Variants in SYN3 observed in about 807,000 individuals in gnomAD.
SYN3 encodes synapsin-3.
A neutral mutation model predicts 65.8 loss-of-function variants in SYN3; 35 were observed. The ratio of observed to expected loss-of-function variants is 0.53; its 90% CI spans 0.41 to 0.70. The LOEUF is 0.70. Ranked by LOEUF, SYN3 falls within the 30% of genes least tolerant of loss-of-function variation. SYN3 has a pLI of 0.00. For missense variants in SYN3, 680 were observed against 749.0 expected (o/e 0.91, Z 1.08); for synonymous variants, 270 against 292.9 (o/e 0.92, Z 0.80).
chr22:32,517,960 C>A, intron 13 of SYN3, 83 bp downstream of exon 13: 1 of 1,371,144 alleles, frequency 7.3e-7, no homozygotes, highest in South Asian at 2.2e-5. Flanking sequence ...TCCTTTGTCT[C>A]CAAGTCCCTA....
chr22:32,586,026 GTATGTATA>G (rs1452685228), intron 7 of SYN3, among the ~76,000 whole-genome samples: 2 of 131,552 alleles, frequency 1.5e-5, no homozygotes, highest in African/African-American at 6.1e-5. Flanking sequence ...ATATATGTAT[GTATGTATA>G]TATGTATATG....
chr22:32,799,239 G>C (rs1158845503), intron 6 of SYN3, among the ~76,000 whole-genome samples: 1 of 152,178 alleles, frequency 6.6e-6, no homozygotes, highest in African/African-American at 2.4e-5. Flanking sequence ...AACTGACTCA[G>C]GTTTGGAATA....
chr22:32,728,737 C>T (rs1209793837), intron 6 of SYN3, among the ~76,000 whole-genome samples: 1 of 152,056 alleles, frequency 6.6e-6, no homozygotes, highest in East Asian at 1.9e-4. Flanking sequence ...TGTTGGAGAC[C>T]CCTGAGGTAT....
intron 4 of SYN3, among the ~76,000 whole-genome samples, chr22:32,872,237 T>C (rs1244864913): frequency 6.6e-6 from 1 of 152,294 alleles, no homozygotes; most frequent in Non-Finnish European, 1.5e-5. Flanking sequence ...TTGGACAAAA[T>C]AGGCCTCAAA....
rs968484520 is a variant in SYN3, at chr22:32,633,797, C to CT, written c.712-37062dup. 1.4e-3 allele frequency among the ~76,000 whole-genome samples: 212 copies of CT among 148,516 alleles called. 2 individuals are homozygous for CT. The highest frequency in any genetic ancestry group is 1.2e-3 in the Non-Finnish European group (81 of 67,300). The stretch of plus-strand genomic sequence containing the variant: ...TTTTTCTCAATCTCATTTTTTTTTT[C>CT]TTTTTTTTGTAGAGAAGGATTTTTG... On this transcript the variant is annotated intron_variant, in intron 6 of 13. Transcript: ENST00000358763.
intron 7 of SYN3, among the ~76,000 whole-genome samples, chr22:32,549,994 T>C (rs1459965922): frequency 6.6e-6 from 1 of 152,198 alleles, no homozygotes; most frequent in Non-Finnish European, 1.5e-5. Flanking sequence ...GTCCTCACTG[T>C]ATATATCTTG....
intron 6 of SYN3, among the ~76,000 whole-genome samples, chr22:32,772,451 C>T (rs7287602): frequency 0.098 from 14,778 of 151,544 alleles, 893 homozygotes; most frequent in Admixed American, 0.15. Context: ...CTTGTCCTTC[C>T]AGAACAAGGG....
chr22:32,724,671 A>G (rs725337), intron 6 of SYN3, among the ~76,000 whole-genome samples: 1 of 152,064 alleles, frequency 6.6e-6, no homozygotes, highest in Non-Finnish European at 1.5e-5. Flanking sequence ...TGACAGCCAC[A>G]TTGTCACAAA....
At chr22:32,558,570 T>C (rs1255018665) in intron 7 of SYN3, among the ~76,000 whole-genome samples, 6 of 152,260 alleles carry the variant, frequency 3.9e-5, no homozygotes, top group Non-Finnish European at 8.8e-5. Flanking sequence ...CTCTTTCCTA[T>C]CTTTTCCCTT....
chr22:32,925,618 G>A (rs1253699498), intron 4 of SYN3, among the ~76,000 whole-genome samples: 3 of 152,152 alleles, frequency 2.0e-5, no homozygotes, highest in African/African-American at 7.2e-5. Context: ...GCATACCTAG[G>A]AGTGTCCTCA....
intron 7 of SYN3, among the ~76,000 whole-genome samples, chr22:32,595,882 G>A (rs1434860238): frequency 6.6e-6 from 1 of 152,182 alleles, no homozygotes; most frequent in East Asian, 1.9e-4. Flanking sequence ...TTTGAGACCA[G>A]CCTGGCCAAC....
At position 32,648,760 on chromosome 22, in the gene SYN3, C is replaced by T. The variant is rs150494793; in HGVS notation, c.712-52024G>A. 2.8e-3 allele frequency among the ~76,000 whole-genome samples: 424 copies of T among 152,296 alleles called. 2 individuals are homozygous for T. Among genetic ancestry groups the T allele is most frequent in the African/African-American group, 9.4e-3 (392 of 41,556 alleles). On this transcript the variant is annotated intron_variant, in intron 6 of 13. Transcript: ENST00000358763. The stretch of plus-strand genomic sequence containing the variant: ...AATGACATCACACACACAGAGTATA[C>T]GCTGAGCTCAGAGCCTGGCTCACAG...
At chr22:32,738,777 T>C (rs952264943) in intron 6 of SYN3, among the ~76,000 whole-genome samples, 59 of 152,180 alleles carry the variant, frequency 3.9e-4, no homozygotes, top group African/African-American at 1.4e-3. Flanking sequence ...AAAATGATCA[T>C]TAAAAGCTCA....
chr22:32,559,454 T>C lies in SYN3; in HGVS notation c.775-17741A>G, dbSNP rs188004201. Among the ~76,000 whole-genome samples, 294 of 152,336 alleles carry C rather than the reference T, an allele frequency of 1.9e-3. 1 individual carries two copies. The highest frequency in any genetic ancestry group is 6.8e-3 in the African/African-American group (281 of 41,572). On this transcript the variant is annotated intron_variant, in intron 7 of 13. Transcript: ENST00000358763. ...GAAATGTCAGGCGACTTTCAGGTGA[T>C]GGTCAGGCAGTTTTTAATTGTCTCG...
At chr22:32,878,818 G>A (rs2049049653) in intron 4 of SYN3, among the ~76,000 whole-genome samples, 1 of 152,210 alleles carries the variant, frequency 6.6e-6, no homozygotes, top group Non-Finnish European at 1.5e-5. Context: ...AAGCCTCTGT[G>A]GAGGATGAGG....
At chr22:32,559,708 G>A (rs2058556878) in intron 7 of SYN3, among the ~76,000 whole-genome samples, 1 of 152,116 alleles carries the variant, frequency 6.6e-6, no homozygotes, top group Non-Finnish European at 1.5e-5. Context: ...GGTGGCGCCT[G>A]TAGTCCCAGC....
chr22:32,848,178 C>T (rs995420229), intron 6 of SYN3, among the ~76,000 whole-genome samples: 4 of 152,244 alleles, frequency 2.6e-5, no homozygotes, highest in African/African-American at 7.2e-5. Context: ...AAGTCCTCTC[C>T]TCTTTCTGTT....
At chr22:32,854,859 A>G (rs1161950318) in intron 6 of SYN3, among the ~76,000 whole-genome samples, 1 of 152,140 alleles carries the variant, frequency 6.6e-6, no homozygotes, top group African/African-American at 2.4e-5. Context: ...TGCTTTTAAC[A>G]AGGCAGGGGC....
intron 6 of SYN3, among the ~76,000 whole-genome samples, chr22:32,771,645 C>T (rs900828949): frequency 5.3e-5 from 8 of 152,222 alleles, no homozygotes; most frequent in African/African-American, 1.9e-4. Flanking sequence ...AATACATCTA[C>T]ATCATATTCG....
Sources: allele counts gnomAD v4.1 joint callset (sites outside exome capture counted in the v4.1 genomes callset), GRCh38; gene constraint gnomAD v4.1.1; transcripts MANE v1.5; gene names NCBI Gene and HGNC (gene_info 2026-07-23, HGNC 2026-07-21).